WWOX: variants seen among roughly 807,000 people sequenced by gnomAD.
The protein encoded by WWOX is WW domain-containing oxidoreductase.
Under a neutral mutation model 46.2 loss-of-function variants are expected in WWOX, and 69 were observed. The ratio of observed to expected loss-of-function variants is 1.49; its 90% CI spans 1.23 to 1.82. The LOEUF (loss-of-function observed/expected upper bound fraction) is 1.82, where lower values mean the gene tolerates loss of function less well. WWOX is among the 40% of genes most tolerant of loss of function. The pLI, the probability that WWOX is intolerant of heterozygous loss-of-function variation, is 0.00. For missense variants in WWOX, 919 were observed against 542.6 expected (o/e 1.69, Z -6.89); for synonymous variants, 359 against 202.6 (o/e 1.77, Z -6.56).
intron 8 of WWOX, chr16:78,825,400 G>C (rs748772368): frequency 2.4e-5 from 7 of 295,928 alleles, no homozygotes; most frequent in African/African-American, 1.3e-4. Context: ...TCAGGTTCAA[G>C]TTACACCCAT....
chr16:78,210,538 C>T (rs1167675698), intron 5 of WWOX, among the ~76,000 whole-genome samples: 1 of 152,140 alleles, frequency 6.6e-6, no homozygotes, highest in African/African-American at 2.4e-5. Flanking sequence ...GTCTCTCTCT[C>T]TTTCTCTGTC....
intron 8 of WWOX, among the ~76,000 whole-genome samples, chr16:79,168,424 G>C: frequency 6.6e-6 from 1 of 152,128 alleles, no homozygotes; most frequent in East Asian, 1.9e-4. Context: ...AAGAGTTAAG[G>C]AGTGTTCTCA....
In WWOX at chr16:78,541,302, G is replaced by A. The variant is rs987640650; in HGVS notation, c.1056+108550G>A. Reference sequence around the variant, plus strand: ...ATCCCGGCTAAAACGGTGAAACCCCGTCTCTACTAAAAATACAAAAAATTA... The same window carrying A: ...ATCCCGGCTAAAACGGTGAAACCCCATCTCTACTAAAAATACAAAAAATTA... On this transcript the variant is annotated intron_variant, in intron 8 of 8. Coordinates refer to ENST00000566780, the MANE Select transcript of WWOX (RefSeq NM_016373.4). Among the ~76,000 whole-genome samples the A allele has an allele frequency of 1.5e-4, 23 of 150,494 alleles. No individual in the cohort carries two copies. In the East Asian group the frequency reaches 2.9e-3, roughly 19 times the overall value.
At chr16:79,205,590 G>A (rs1473647047) in intron 8 of WWOX, 2 of 152,088 alleles carry the variant, frequency 1.3e-5, no homozygotes, top group East Asian at 3.9e-4. Flanking sequence ...CATCTTCATT[G>A]TTTCTTTTTG....
At position 78,615,096 on chromosome 16, in the gene WWOX, C is replaced by T. The variant is rs192798212; in HGVS notation, c.1056+182344C>T. On this transcript the variant is annotated intron_variant, in intron 8 of 8. Coordinates refer to ENST00000566780, the MANE Select transcript of WWOX (RefSeq NM_016373.4). ...AGTCTGGGGACACTCTAGTGAAATT[C>T]TATGTGTAAAATAATTTGTACAAGT... Among the ~76,000 whole-genome samples, 402 of 152,224 alleles carry T rather than the reference C, an allele frequency of 2.6e-3. 2 individuals are homozygous for T. The highest frequency in any genetic ancestry group is 9.2e-3 in the African/African-American group (381 of 41,512).
At chr16:78,352,715 T>C (rs1307384180) in intron 5 of WWOX, among the ~76,000 whole-genome samples, 1 of 152,224 alleles carries the variant, frequency 6.6e-6, no homozygotes, top group African/African-American at 2.4e-5. Context: ...AGGGATTAGT[T>C]CATGAACATA....
chr16:79,068,646 A>G (rs560644949), intron 8 of WWOX, among the ~76,000 whole-genome samples: 11 of 151,330 alleles, frequency 7.3e-5, no homozygotes, highest in African/African-American at 4.9e-5. Flanking sequence ...ACAAACAACA[A>G]CAACAAAAAA....
At chr16:78,990,208 A>C (rs891231258) in intron 8 of WWOX, among the ~76,000 whole-genome samples, 3 of 148,022 alleles carry the variant, frequency 2.0e-5, no homozygotes, top group Non-Finnish European at 4.4e-5. Flanking sequence ...AAAAAGAGAG[A>C]GAGGTTGAGC....
At chr16:78,891,595 T>C (rs1365926156) in intron 8 of WWOX, 1 of 152,222 alleles carries the variant, frequency 6.6e-6, no homozygotes, top group Non-Finnish European at 1.5e-5. Flanking sequence ...ATGCAAAGAA[T>C]TAATGTGAGA....
chr16:78,906,562 T>C (rs2044970424), intron 8 of WWOX, among the ~76,000 whole-genome samples: 2 of 152,146 alleles, frequency 1.3e-5, no homozygotes, highest in African/African-American at 4.8e-5. Flanking sequence ...GAGAACTGCA[T>C]AAATATACAT....
At chr16:78,825,704 A>G in intron 8 of WWOX, 1 of 551,468 alleles carries the variant, frequency 1.8e-6, no homozygotes, top group Non-Finnish European at 3.5e-6. Context: ...GGAGACTCTG[A>G]GGACAGAGGG....
chr16:78,159,117 C>T (rs554710275), intron 4 of WWOX, among the ~76,000 whole-genome samples: 40 of 152,098 alleles, frequency 2.6e-4, no homozygotes, highest in Non-Finnish European at 4.9e-4. Flanking sequence ...TTCCTTCATT[C>T]CTAAGGCTGA....
intron 4 of WWOX, among the ~76,000 whole-genome samples, chr16:78,140,126 G>T (rs2033934837): frequency 1.3e-5 from 2 of 152,314 alleles, no homozygotes; most frequent in African/African-American, 2.4e-5. Flanking sequence ...GGTTGCATTT[G>T]TGTCAAGTTG....
rs114426727 is a variant in WWOX, at chr16:78,851,534, A to G, written c.1057-360074A>G. On this transcript the variant is annotated intron_variant, in intron 8 of 8. Transcript: ENST00000566780. ...CCTGATACTTTCACAGTGAAGCTGT[A>G]TTGCACGTTTGTGTTTGTTTATTTT... 7.4e-3 allele frequency among the ~76,000 whole-genome samples: 1,133 copies of G among 152,306 alleles called. 9 individuals carry two copies. The highest frequency in any genetic ancestry group is 0.022 in the East Asian group (115 of 5,176).
chr16:78,594,319 C>T (rs765683690), intron 8 of WWOX, among the ~76,000 whole-genome samples: 2 of 151,240 alleles, frequency 1.3e-5, no homozygotes, highest in Non-Finnish European at 2.9e-5. Context: ...TTGTTTTCAG[C>T]AATACTCTCC....
At chr16:79,056,122 A>G (rs1257296157) in intron 8 of WWOX, among the ~76,000 whole-genome samples, 2 of 151,758 alleles carry the variant, frequency 1.3e-5, no homozygotes, top group African/African-American at 4.8e-5. Flanking sequence ...TTAAATTCTC[A>G]TCTTGTAAAA....
intron 8 of WWOX, among the ~76,000 whole-genome samples, chr16:78,971,961 G>A (rs1001587216): frequency 1.3e-5 from 2 of 152,190 alleles, no homozygotes; most frequent in African/African-American, 4.8e-5. Flanking sequence ...CACTCGGGGA[G>A]CATTGGAGCT....
intron 8 of WWOX, chr16:78,898,993 T>G (rs2044763860): frequency 6.6e-6 from 1 of 152,174 alleles, no homozygotes; most frequent in Non-Finnish European, 1.5e-5. Context: ...TTTATTCACC[T>G]TTTCCTTTTT....
At chr16:78,630,856 A>T (rs373148695) in intron 8 of WWOX, among the ~76,000 whole-genome samples, 4 of 142,990 alleles carry the variant, frequency 2.8e-5, no homozygotes, top group East Asian at 2.1e-4. Context: ...TGAATGAACG[A>T]AAGAGGCCAT....
Sources: gnomAD v4.1 joint callset for allele counts (sites outside exome capture counted in the v4.1 genomes callset) on GRCh38, gnomAD v4.1.1 for gene constraint, MANE v1.5 for transcripts, NCBI Gene and HGNC (gene_info 2026-07-23, HGNC 2026-07-21) for gene names.